Variants in HEMK2 observed in about 807,000 individuals in gnomAD.
HEMK2 encodes HemK methyltransferase 2, ETF1 glutamine and histone H4 lysine.
At chr21:28,714,489 G>A in the HEMK2 span, among the ~76,000 whole-genome samples, 1 of 152,120 alleles carries the variant, frequency 6.6e-6, no homozygotes, top group African/African-American at 2.4e-5. Context: ...ATAGAATAAA[G>A]AGTAGGAAAA....
the HEMK2 span, among the ~76,000 whole-genome samples, chr21:28,635,167 T>C: frequency 6.6e-6 from 1 of 150,926 alleles, no homozygotes; most frequent in African/African-American, 2.4e-5. Context: ...AGTAGTGCCA[T>C]CTCGGCTCAC....
At chr21:28,808,792 C>T in the HEMK2 span, among the ~76,000 whole-genome samples, 2 of 152,044 alleles carry the variant, frequency 1.3e-5, no homozygotes, top group African/African-American at 2.4e-5. Flanking sequence ...ATGTAAACAA[C>T]CATGTCATTT....
the HEMK2 span, among the ~76,000 whole-genome samples, chr21:28,746,913 G>C: frequency 6.6e-6 from 1 of 152,196 alleles, no homozygotes; most frequent in Non-Finnish European, 1.5e-5. Flanking sequence ...TACCAGGTGG[G>C]AAGAGAAGTT....
chr21:28,648,889 C>T, the HEMK2 span, among the ~76,000 whole-genome samples: 4 of 151,740 alleles, frequency 2.6e-5, 1 homozygote, highest in African/African-American at 9.7e-5. Context: ...CACCCAGTAA[C>T]TCGTCATTTA....
chr21:28,759,494 G>T, the HEMK2 span, among the ~76,000 whole-genome samples: 606 of 152,252 alleles, frequency 4.0e-3, 15 homozygotes, highest in East Asian at 0.065. Flanking sequence ...TTTGGACTGT[G>T]GACTTTTGAG....
the HEMK2 span, among the ~76,000 whole-genome samples, chr21:28,622,892 C>T: frequency 6.6e-6 from 1 of 152,090 alleles, no homozygotes; most frequent in Non-Finnish European, 1.5e-5. Context: ...TAGAAGAAAA[C>T]CTAGGCAATA....
At chr21:28,736,722 G>A in the HEMK2 span, among the ~76,000 whole-genome samples, 1 of 151,740 alleles carries the variant, frequency 6.6e-6, no homozygotes, top group Non-Finnish European at 1.5e-5. Flanking sequence ...TTGATATCGT[G>A]TCACTGCACT....
chr21:28,767,835 T>G, the HEMK2 span, among the ~76,000 whole-genome samples: 5 of 151,984 alleles, frequency 3.3e-5, no homozygotes, highest in African/African-American at 9.7e-5. Context: ...TCTTTAACAT[T>G]GGCTCATGAA....
chr21:28,768,200 C>A, the HEMK2 span, among the ~76,000 whole-genome samples: 4 of 152,110 alleles, frequency 2.6e-5, no homozygotes, highest in African/African-American at 7.2e-5. Flanking sequence ...CCTCTGTGAG[C>A]CACGCATCAT....
the HEMK2 span, among the ~76,000 whole-genome samples, chr21:28,607,369 C>CCA: frequency 6.6e-6 from 1 of 152,166 alleles, no homozygotes; most frequent in South Asian, 2.1e-4. Context: ...CAAGATCGTG[C>CCA]CACTGCACTC....
At chr21:28,656,561 C>T in the HEMK2 span, among the ~76,000 whole-genome samples, 2 of 151,954 alleles carry the variant, frequency 1.3e-5, no homozygotes, top group Admixed American at 6.6e-5. Context: ...CCATGCAATA[C>T]CCTTGTTAAC....
the HEMK2 span, among the ~76,000 whole-genome samples, chr21:28,706,810 T>G: frequency 6.6e-6 from 1 of 152,204 alleles, no homozygotes; most frequent in African/African-American, 2.4e-5. Context: ...TTAGCATTAT[T>G]CTTGGTAGCT....
chr21:28,731,176 G>A, the HEMK2 span, among the ~76,000 whole-genome samples: 1 of 152,154 alleles, frequency 6.6e-6, no homozygotes, highest in African/African-American at 2.4e-5. Context: ...AAATCGAAAG[G>A]AGCATTAGTA....
the HEMK2 span, among the ~76,000 whole-genome samples, chr21:28,884,547 C>A: frequency 6.6e-6 from 1 of 152,136 alleles, no homozygotes; most frequent in African/African-American, 2.4e-5. Context: ...AAATTGATGG[C>A]GATCACTTCA....
At chr21:28,812,270 G>A in the HEMK2 span, among the ~76,000 whole-genome samples, 1 of 152,058 alleles carries the variant, frequency 6.6e-6, no homozygotes, top group Non-Finnish European at 1.5e-5. Flanking sequence ...TATGATATTG[G>A]CTGTGGGTTG....
At chr21:28,885,367 C>G in the HEMK2 span, 3 of 1,527,406 alleles carry the variant, frequency 2.0e-6, no homozygotes, top group Admixed American at 3.9e-5. Context: ...GCGTTCCATG[C>G]GCGTGCGCAG....
At chr21:28,878,364 T>A in the HEMK2 span, 1 of 1,610,428 alleles carries the variant, frequency 6.2e-7, no homozygotes, top group Non-Finnish European at 8.5e-7. Context: ...TGTTTTCTTT[T>A]AACTCAAGTT....
At chr21:28,785,220 G>A in the HEMK2 span, among the ~76,000 whole-genome samples, 7 of 152,182 alleles carry the variant, frequency 4.6e-5, no homozygotes, top group African/African-American at 9.6e-5. Context: ...GCAAGGGTCC[G>A]CGGCTTCATT....
chr21:28,843,014 C>T, the HEMK2 span, among the ~76,000 whole-genome samples: 5 of 152,122 alleles, frequency 3.3e-5, no homozygotes, highest in Admixed American at 2.0e-4. Context: ...TGAACTGTAA[C>T]TTTGTAACTA....
Sources: gnomAD v4.1 joint callset for allele counts (sites outside exome capture counted in the v4.1 genomes callset) on GRCh38, gnomAD v4.1.1 for gene constraint, MANE v1.5 for transcripts, NCBI Gene and HGNC (gene_info 2026-07-23, HGNC 2026-07-21) for gene names.